The following CRTC3 variants were observed in gnomAD, a reference collection of about 807,000 sequenced individuals.
CRTC3 encodes the protein CREB-regulated transcription coactivator 3.
Under a neutral mutation model 74.5 loss-of-function variants are expected in CRTC3, and 26 were observed. The observed-to-expected ratio is 0.35, with a 90% confidence interval of 0.26 to 0.48. The LOEUF (loss-of-function observed/expected upper bound fraction) is 0.48, where lower values mean the gene tolerates loss of function less well. Ranked by LOEUF, CRTC3 falls within the 20% of genes least tolerant of loss-of-function variation. The pLI, the probability that CRTC3 is intolerant of heterozygous loss-of-function variation, is 0.99. For missense variants in CRTC3, 760 were observed against 787.3 expected (o/e 0.97, Z 0.41); for synonymous variants, 377 against 325.8 (o/e 1.16, Z -1.69).
At chr15:90,546,324 AC>A (rs778153301) in intron 2 of CRTC3, among the ~76,000 whole-genome samples, 7 of 152,100 alleles carry the variant, frequency 4.6e-5, no homozygotes, top group Non-Finnish European at 1.0e-4. Context: ...ATGCCTTGGT[AC>A]CTTTGTTGAA....
chr15:90,549,868 C>G (rs1596076222), intron 2 of CRTC3, among the ~76,000 whole-genome samples: 1 of 150,978 alleles, frequency 6.6e-6, no homozygotes, highest in African/African-American at 2.4e-5. Flanking sequence ...ATGCCCGGCT[C>G]ATTTTTTGTA....
intron 2 of CRTC3, among the ~76,000 whole-genome samples, chr15:90,570,701 G>A (rs771933269): frequency 1.3e-5 from 2 of 152,136 alleles, no homozygotes; most frequent in African/African-American, 2.4e-5. Context: ...TAACAGTAAT[G>A]CATCCTCATA....
chr15:90,629,670 G>C, intron 11 of CRTC3, 138 bp downstream of exon 11: 1 of 716,262 alleles, frequency 1.4e-6, no homozygotes, highest in East Asian at 2.7e-5. Context: ...CAGTCTGTTC[G>C]CTCTTATATG....
chr15:90,551,960 A>G (rs1052195606), intron 2 of CRTC3, among the ~76,000 whole-genome samples: 1 of 29,022 alleles, frequency 3.4e-5, no homozygotes, highest in African/African-American at 1.5e-4. Context: ...ACACACACAC[A>G]CACACACAAA....
intron 4 of CRTC3, chr15:90,604,096 C>G (rs1020579444): frequency 7.4e-5 from 20 of 271,120 alleles, no homozygotes; most frequent in Non-Finnish European, 1.4e-4. Context: ...CCACGGCGCC[C>G]CCTACATGCA....
chr15:90,642,223 G>A lies in CRTC3; in HGVS notation c.*83G>A, dbSNP rs1969475177. The A allele has an allele frequency of 1.7e-6, 2 of 1,196,020 alleles. No individual in the cohort carries two copies. Among genetic ancestry groups the A allele is most frequent in the Non-Finnish European group, 2.4e-6 (2 of 824,552 alleles). 74.1% of individuals were successfully genotyped at this position (1,196,020 alleles called of 1,614,324 possible). A position where few individuals can be genotyped will look rare whatever the true frequency, so the allele number is the denominator to read the frequency against. On this transcript the variant is annotated 3_prime_UTR_variant, in exon 15 of 15. Coordinates refer to ENST00000268184, the MANE Select transcript of CRTC3 (RefSeq NM_022769.5). ...AGAATGAAGCCAGCTGATACCACGG[G>A]CTTTCGTTATCTTGACATAGAAGGA...
chr15:90,545,535 G>A (rs2151058663), intron 2 of CRTC3, among the ~76,000 whole-genome samples: 2 of 150,864 alleles, frequency 1.3e-5, no homozygotes, highest in South Asian at 4.2e-4. Context: ...GAGTAGCTGG[G>A]TTTACAGGCG....
intron 2 of CRTC3, among the ~76,000 whole-genome samples, chr15:90,581,982 C>T (rs1394529508): frequency 6.6e-6 from 1 of 152,164 alleles, no homozygotes; most frequent in Non-Finnish European, 1.5e-5. Context: ...GAAGTGCCTA[C>T]CTGACCCTTG....
At chr15:90,562,240 TGAG>T (rs898722486) in intron 2 of CRTC3, among the ~76,000 whole-genome samples, 4 of 152,306 alleles carry the variant, frequency 2.6e-5, no homozygotes, top group South Asian at 2.1e-4. Context: ...TTAAGAGTGG[TGAG>T]GAGAAGAACA....
chr15:90,634,953 G>A (rs777321547), intron 11 of CRTC3: 163 of 1,555,810 alleles, frequency 1.0e-4, no homozygotes, highest in Admixed American at 2.2e-4. Context: ...CCCAGAATAT[G>A]GAGGCACCAA....
At chr15:90,635,896 G>C (rs552676191) in intron 11 of CRTC3, among the ~76,000 whole-genome samples, 313 of 152,186 alleles carry the variant, frequency 2.1e-3, no homozygotes, top group African/African-American at 7.3e-3. Flanking sequence ...ACTGCTCAAT[G>C]AAATAAAAGA....
Position 90,644,885 on chromosome 15 carries a change from G to GT in CRTC3, c.*2747dup. 1 of 232,394 alleles carries GT rather than the reference G, an allele frequency of 4.3e-6. No homozygotes were observed. Among genetic ancestry groups the GT allele is most frequent in the African/African-American group, 2.2e-5 (1 of 45,422 alleles). 14.4% of individuals were successfully genotyped at this position (232,394 alleles called of 1,614,324 possible). ...CATTGTACTACTCTCACTTACAGCAGTTAAACAGCATAGAACTAAAAACCT... is the reference window on the plus strand; with the variant it reads ...CATTGTACTACTCTCACTTACAGCAGTTTAAACAGCATAGAACTAAAAACCT... On this transcript the variant is annotated 3_prime_UTR_variant, in exon 15 of 15. Coordinates refer to ENST00000268184, the MANE Select transcript of CRTC3 (RefSeq NM_022769.5).
chr15:90,607,448 G>T lies in CRTC3; in HGVS notation c.547G>T (p.Gly183Cys), dbSNP rs1968252976. The change falls in exon 6 of 15, where the codon GGC (glycine) becomes TGC (cysteine). Residue 183 changes from glycine to cysteine, a missense_variant. Around this residue, in one of 2 missense-constraint regions of CRTC3, gnomAD observed 652 missense variants for 635.2 expected, o/e 1.03. Transcript: ENST00000268184. ...TKPQDPYGGG[G>C]QSAWPAPYMG... ...GCCCCAGGACCCCTATGGAGGAGGG[G>T]GCCAGTCGGCCTGGCCTGCCCCATA... 8 of 1,612,444 alleles carry T rather than the reference G, an allele frequency of 5.0e-6. No individual in the cohort carries two copies. The highest frequency in any genetic ancestry group is 6.8e-6 in the Non-Finnish European group (8 of 1,178,924).
Position 90,629,225 on chromosome 15 carries a change from G to A in CRTC3, c.968-9G>A, listed in dbSNP as rs1596141240. On this transcript the variant is annotated splice_polypyrimidine_tract_variant and intron_variant, in intron 10 of 14. Coordinates refer to ENST00000268184, the MANE Select transcript of CRTC3 (RefSeq NM_022769.5). ...ATTATAAGTAACTTGTGAATTTGTT[G>A]TCTTCCAGGTCTCCAGAGTTCTCGG... 4 of 1,603,208 alleles carry A rather than the reference G, an allele frequency of 2.5e-6. No homozygotes were observed. The highest frequency in any genetic ancestry group is 2.2e-5 in the East Asian group (1 of 44,618).
intron 2 of CRTC3, among the ~76,000 whole-genome samples, chr15:90,551,347 TA>T (rs1287818676): frequency 6.7e-6 from 1 of 149,046 alleles, no homozygotes; most frequent in Non-Finnish European, 1.5e-5. Context: ...CTGTGCTTCT[TA>T]CTGTCTCCCC....
chr15:90,555,627 C>T (rs1403247210), intron 2 of CRTC3, among the ~76,000 whole-genome samples: 1 of 152,122 alleles, frequency 6.6e-6, no homozygotes, highest in African/African-American at 2.4e-5. Context: ...AAGTGATTCT[C>T]CTGCTTCAGC....
intron 2 of CRTC3, among the ~76,000 whole-genome samples, chr15:90,552,902 G>A (rs1966863954): frequency 6.6e-6 from 1 of 152,056 alleles, no homozygotes; most frequent in African/African-American, 2.4e-5. Context: ...AATGTGAGAG[G>A]GAATTTTGTT....
At chr15:90,532,810 G>A (rs1012846186) in intron 1 of CRTC3, among the ~76,000 whole-genome samples, 12 of 152,158 alleles carry the variant, frequency 7.9e-5, no homozygotes, top group African/African-American at 2.9e-4. Context: ...AGTGGGGTCG[G>A]GCGTGGTGGT....
chr15:90,619,670 C>T (rs1343233406), intron 8 of CRTC3, 71 bp from the exon 9 acceptor site: 14 of 1,326,256 alleles, frequency 1.1e-5, no homozygotes, highest in Middle Eastern at 1.8e-4. Flanking sequence ...AAGGTCCTTA[C>T]GAAGACACTT....
Sources: gnomAD v4.1 joint callset for allele counts (sites outside exome capture counted in the v4.1 genomes callset) on GRCh38, gnomAD v4.1.1 for gene constraint, gnomAD v4.1.1 regional missense constraint, MANE v1.5 for transcripts, NCBI Gene and HGNC (gene_info 2026-07-23, HGNC 2026-07-21) for gene names.